CNTFR: variants seen among roughly 807,000 people sequenced by gnomAD.
CNTFR encodes the protein ciliary neurotrophic factor receptor subunit alpha.
In CNTFR, 12 loss-of-function variants were observed where a neutral mutation model predicts 40.4. That is an observed-to-expected ratio of 0.30 (90% CI 0.19 to 0.48). CNTFR has a LOEUF of 0.48. CNTFR is among the 20% of genes least tolerant of loss of function. The probability of loss-of-function intolerance (pLI) is 0.99; values close to 1 mark genes in which losing one functional copy is unlikely to be tolerated. For synonymous variants in CNTFR, 202 were observed against 209.6 expected, an observed-to-expected ratio of 0.96 and a Z score of 0.31; for missense variants, 414 against 506.8, an observed-to-expected ratio of 0.82 and a Z score of 1.76.
intron 2 of CNTFR, among the ~76,000 whole-genome samples, chr9:34,577,161 C>T (rs939198684): frequency 6.6e-6 from 1 of 152,214 alleles, no homozygotes; most frequent in Non-Finnish European, 1.5e-5. Context: ...GACGCGGAGT[C>T]GCTGTCCAGT....
intron 3 of CNTFR, among the ~76,000 whole-genome samples, chr9:34,565,295 T>C (rs1397577899): frequency 1.3e-5 from 2 of 152,110 alleles, no homozygotes; most frequent in African/African-American, 4.8e-5. Context: ...GCCCCACTCC[T>C]GGACTCCTTT....
intron 1 of CNTFR, among the ~76,000 whole-genome samples, chr9:34,585,115 G>A (rs746177345): frequency 2.6e-5 from 4 of 152,126 alleles, no homozygotes; most frequent in Non-Finnish European, 5.9e-5. Flanking sequence ...GGGAGCATTC[G>A]GTCCAATGAG....
Position 34,557,768 on chromosome 9 carries a change from C to A in CNTFR, c.438-76G>T. 6.3e-7 allele frequency: 1 copy of A among 1,591,842 alleles called. No homozygotes were observed. Among genetic ancestry groups the A allele is most frequent in the Admixed American group, 1.7e-5 (1 of 59,678 alleles). On this transcript the variant is annotated intron_variant, in intron 5 of 9. Coordinates refer to ENST00000378980, the MANE Select transcript of CNTFR (RefSeq NM_147164.3). This position sits in a 1 kb window ranked among gnomAD's most constrained non-coding sequence, Gnocchi z 4.2. ...GGGCAGAGGTTGAGGAAAGGTCAAG[C>A]CCAAGGCAGGGCTGGGGTATGGACA...
At chr9:34,577,357 T>C (rs1827027551) in intron 2 of CNTFR, among the ~76,000 whole-genome samples, 1 of 152,024 alleles carries the variant, frequency 6.6e-6, no homozygotes, top group South Asian at 2.1e-4. Flanking sequence ...GGTAATGCCA[T>C]AAAGCCAGGT....
chr9:34,578,866 A>C (rs1178432716), intron 2 of CNTFR, among the ~76,000 whole-genome samples: 5 of 152,244 alleles, frequency 3.3e-5, no homozygotes, highest in African/African-American at 9.6e-5. Flanking sequence ...TGGGAATGAC[A>C]GTGCAATGCC....
At chr9:34,556,944 G>A (rs1394227582) in intron 6 of CNTFR, among the ~76,000 whole-genome samples, 1 of 152,186 alleles carries the variant, frequency 6.6e-6, no homozygotes, top group African/African-American at 2.4e-5. Flanking sequence ...GCGCGCCTAA[G>A]GGCCCAGCTT....
intron 1 of CNTFR, among the ~76,000 whole-genome samples, chr9:34,588,321 G>T (rs1248346877): frequency 6.6e-6 from 1 of 152,152 alleles, no homozygotes; most frequent in East Asian, 1.9e-4. Context: ...TCCCACACGT[G>T]TAATGACACA....
At position 34,557,907 on chromosome 9, in the gene CNTFR, T is replaced by C; in HGVS notation, c.397A>G (p.Thr133Ala). Reference protein sequence around the residue: ...KGFYCSWHLPTPTYIPNTFNV... With the variant: ...KGFYCSWHLPAPTYIPNTFNV... ...AAGGTGTTGGGAATGTAGGTGGGGG[T>C]GGGCAGATGCCAGCTGCAGTAGAAG... is the stretch of plus-strand genomic sequence containing the variant. The change falls in exon 5 of 10, where the codon ACC becomes GCC. Residue 133 changes from threonine to alanine, a missense_variant. Coordinates refer to ENST00000378980, the MANE Select transcript of CNTFR (RefSeq NM_147164.3). The surrounding 1 kb of genome is among the most constrained non-coding windows in gnomAD (Gnocchi z 4.2). 6.4e-7 allele frequency: 1 copy of C among 1,571,502 alleles called. No homozygotes were observed. The highest frequency in any genetic ancestry group is 8.6e-7 in the Non-Finnish European group (1 of 1,159,096).
intron 2 of CNTFR, among the ~76,000 whole-genome samples, chr9:34,579,159 C>T (rs764722150): frequency 3.3e-5 from 5 of 152,154 alleles, no homozygotes; most frequent in Non-Finnish European, 5.9e-5. Context: ...CTCCTCCCTT[C>T]GCCCCTGTGG....
chr9:34,561,357 T>C (rs1826068409), intron 4 of CNTFR, among the ~76,000 whole-genome samples: 1 of 152,234 alleles, frequency 6.6e-6, no homozygotes, highest in Non-Finnish European at 1.5e-5. Context: ...GAACTGTCCA[T>C]TTAAAAATCA....
chr9:34,582,414 G>A (rs1827351665), intron 1 of CNTFR: 1 of 152,114 alleles, frequency 6.6e-6, no homozygotes, highest in South Asian at 2.1e-4. Flanking sequence ...AGCTGGCCTT[G>A]AACTCAGGGA....
rs1825629467 is a variant in CNTFR at position 34,551,710 on chromosome 9, T to C, written c.*361A>G. On this transcript the variant is annotated 3_prime_UTR_variant, in exon 10 of 10. Transcript: ENST00000378980. Reference sequence around the variant, plus strand: ...GATGGTGGCAACAGAGACCCTGGGATAGACAGGAGGCTGGGGCAGGAGGAG... The same window carrying C: ...GATGGTGGCAACAGAGACCCTGGGACAGACAGGAGGCTGGGGCAGGAGGAG... 1 of 464,044 alleles carries C rather than the reference T, an allele frequency of 2.2e-6. No individual in the cohort carries two copies. The highest frequency in any genetic ancestry group is 4.0e-6 in the Non-Finnish European group (1 of 252,834). 28.7% of individuals were successfully genotyped at this position (464,044 alleles called of 1,614,324 possible).
At chr9:34,555,621 C>T (rs1049951861) in intron 7 of CNTFR, among the ~76,000 whole-genome samples, 8 of 152,042 alleles carry the variant, frequency 5.3e-5, no homozygotes, top group African/African-American at 1.2e-4. Context: ...GGCTACCTTC[C>T]GACTCACAGC....
chr9:34,566,269 C>A (rs558418413), intron 3 of CNTFR, among the ~76,000 whole-genome samples: 1 of 152,300 alleles, frequency 6.6e-6, no homozygotes, highest in South Asian at 2.1e-4. Flanking sequence ...GGGTCTCTCT[C>A]CCTCGCTGCC....
At chr9:34,572,716 A>AC (rs762708266) in intron 2 of CNTFR, among the ~76,000 whole-genome samples, 16 of 152,218 alleles carry the variant, frequency 1.1e-4, no homozygotes, top group Non-Finnish European at 2.2e-4. Flanking sequence ...AACAACACCC[A>AC]TTGAAAATGA....
At chr9:34,559,930 C>T (rs1274242660) in intron 4 of CNTFR, among the ~76,000 whole-genome samples, 1 of 152,142 alleles carries the variant, frequency 6.6e-6, no homozygotes, top group Non-Finnish European at 1.5e-5. Context: ...ACCGCGTCCC[C>T]TTCCAACCTC....
intron 2 of CNTFR, chr9:34,579,998 G>C (rs1300341655): frequency 6.6e-6 from 1 of 152,124 alleles, no homozygotes; most frequent in Admixed American, 6.5e-5. Flanking sequence ...GGGCATCTGA[G>C]CTACTGTTCA....
intron 4 of CNTFR, among the ~76,000 whole-genome samples, chr9:34,561,709 G>A (rs761426299): frequency 6.6e-6 from 1 of 152,224 alleles, no homozygotes; most frequent in African/African-American, 2.4e-5. Context: ...CCACAAATCA[G>A]GGGTAACTCT....
rs956123138 is a variant in CNTFR at position 34,557,802 on chromosome 9, G to A, written c.437+65C>T. 4 of 1,545,174 alleles carry A rather than the reference G, an allele frequency of 2.6e-6. No individual in the cohort carries two copies. In the Admixed American group the frequency reaches 5.2e-5, roughly 20 times the overall value. On this transcript the variant is annotated intron_variant, in intron 5 of 9. Transcript: ENST00000378980. The surrounding 1 kb of genome is among the most constrained non-coding windows in gnomAD (Gnocchi z 4.2). Reference sequence around the variant, plus strand: ...GGGCTGGGGTATGGACAGAGGGCATGGTGGTGGGATGGGGGAGAGGTCAGA... The same window carrying A: ...GGGCTGGGGTATGGACAGAGGGCATAGTGGTGGGATGGGGGAGAGGTCAGA...
Sources: allele counts gnomAD v4.1 joint callset (sites outside exome capture counted in the v4.1 genomes callset), GRCh38; gene constraint gnomAD v4.1.1; non-coding constraint Gnocchi (gnomAD v3.1); transcripts MANE v1.5; gene names NCBI Gene and HGNC (gene_info 2026-07-23, HGNC 2026-07-21).